The following ZPBP variants were observed in gnomAD, a reference collection of about 807,000 sequenced individuals.
The protein encoded by ZPBP is zona pellucida-binding protein 1.
A neutral mutation model predicts 44.8 loss-of-function variants in ZPBP; 26 were observed. That is an observed-to-expected ratio of 0.58 (90% CI 0.43 to 0.81). The LOEUF is 0.81. Ranked by LOEUF, ZPBP falls within the 30% of genes least tolerant of loss-of-function variation. The pLI is 0.00. For missense variants in ZPBP, 409 were observed against 434.0 expected, an observed-to-expected ratio of 0.94 and a Z score of 0.51; for synonymous variants, 174 against 153.2, an observed-to-expected ratio of 1.14 and a Z score of -1.00.
chr7:50,071,595 C>G (rs1284138876), intron 3 of ZPBP, among the ~76,000 whole-genome samples: 3 of 152,116 alleles, frequency 2.0e-5, no homozygotes, highest in African/African-American at 7.2e-5. Context: ...CAGTTTGCAG[C>G]TCCAAAAGGC....
At chr7:49,842,869 A>C in the ZPBP span, among the ~76,000 whole-genome samples, 13 of 152,292 alleles carry the variant, frequency 8.5e-5, no homozygotes, top group Admixed American at 8.5e-4. Flanking sequence ...ATATCTCATA[A>C]TATTATTCAT....
intron 7 of ZPBP, among the ~76,000 whole-genome samples, chr7:49,954,326 C>T (rs1795477100): frequency 6.6e-6 from 1 of 152,064 alleles, no homozygotes; most frequent in African/African-American, 2.4e-5. Context: ...TATATCAGAG[C>T]AAAAACTATT....
intron 6 of ZPBP, among the ~76,000 whole-genome samples, chr7:50,004,212 T>C (rs1359382629): frequency 6.6e-6 from 1 of 152,020 alleles, no homozygotes; most frequent in Non-Finnish European, 1.5e-5. Context: ...GTGGGATAAG[T>C]TTGCTTGCTG....
chr7:50,004,496 T>C (rs952022286), intron 6 of ZPBP, among the ~76,000 whole-genome samples: 1 of 152,158 alleles, frequency 6.6e-6, no homozygotes, highest in African/African-American at 2.4e-5. Flanking sequence ...TTTTGCCTTA[T>C]AATTCTGTGA....
intron 5 of ZPBP, among the ~76,000 whole-genome samples, chr7:50,023,347 G>A (rs776535610): frequency 5.3e-5 from 8 of 152,016 alleles, no homozygotes; most frequent in Non-Finnish European, 1.2e-4. Flanking sequence ...ACAGTGTTCC[G>A]TATAATGCCA....
intron 2 of ZPBP, among the ~76,000 whole-genome samples, chr7:49,894,457 A>G (rs2076383952): frequency 6.6e-6 from 1 of 152,228 alleles, no homozygotes. Context: ...CAGTCTTCCT[A>G]TGGCTTACCA....
intron 4 of ZPBP, among the ~76,000 whole-genome samples, chr7:50,051,384 A>G (rs1055771560): frequency 6.6e-6 from 1 of 152,148 alleles, no homozygotes; most frequent in Non-Finnish European, 1.5e-5. Flanking sequence ...GCAATTCCTC[A>G]AAGATCTACA....
Position 50,029,830 on chromosome 7 carries a change from TTGTTGTTGTTGTTGC to T in ZPBP, c.706+1247_706+1261del, listed in dbSNP as rs1204449629. ...GTATACTTTCAGCTTTTGTTTTTTG[TTGTTGTTGTTGTTGC>T]TGTTGTTGTTGTTGTTGTTGTTGTT... On this transcript the variant is annotated intron_variant, in intron 5 of 7. Coordinates refer to ENST00000046087, the MANE Select transcript of ZPBP (RefSeq NM_007009.3). Among the ~76,000 whole-genome samples the T allele has an allele frequency of 3.2e-3, 397 of 123,040 alleles. 4 individuals are homozygous for T. Among genetic ancestry groups the T allele is most frequent in the Admixed American group, 0.027 (362 of 13,212 alleles). 80.7% of individuals were successfully genotyped at this position (123,040 alleles called of 152,430 possible). A position where few individuals can be genotyped will look rare whatever the true frequency, so the allele number is the denominator to read the frequency against.
At chr7:49,886,824 T>A (rs1444465031) in intron 2 of ZPBP, among the ~76,000 whole-genome samples, 1 of 152,230 alleles carries the variant, frequency 6.6e-6, no homozygotes, top group Non-Finnish European at 1.5e-5. Flanking sequence ...CCTCTGCTTT[T>A]AATCAAAAAT....
intron 2 of ZPBP, among the ~76,000 whole-genome samples, chr7:49,852,568 G>A (rs117109756): frequency 0.025 from 3,749 of 152,176 alleles, 80 homozygotes; most frequent in Middle Eastern, 0.075. Context: ...ATGCTATTTA[G>A]TGGTTTTTCC....
At chr7:49,924,712 T>G (rs964013131) in intron 1 of ZPBP, among the ~76,000 whole-genome samples, 12 of 152,166 alleles carry the variant, frequency 7.9e-5, no homozygotes, top group African/African-American at 2.9e-4. Context: ...CAAGATAGAC[T>G]AGCCCCATTT....
rs1029031386 is a variant in ZPBP, at chr7:49,921,146, A to G, written n.411+14605T>C. On this transcript the variant is annotated intron_variant and non_coding_transcript_variant, in intron 1 of 2. Coordinates refer to the ZPBP transcript ENST00000465922. ...ACTGTGCTTAGTGTTGAAGATACCA[A>G]AGGGAATTCAAGTGAGGGGAAAAGA... 1.3e-5 allele frequency: 2 copies of G among 152,318 alleles called. 1 individual carries two copies. The highest frequency in any genetic ancestry group is 4.1e-4 in the South Asian group (2 of 4,830). The allele number at this position is 152,318 out of a possible 1,614,324, so 9.4% of individuals were successfully genotyped here.
intron 7 of ZPBP, among the ~76,000 whole-genome samples, chr7:49,938,994 T>C (rs1362172648): frequency 6.6e-6 from 1 of 152,186 alleles, no homozygotes; most frequent in Non-Finnish European, 1.5e-5. Context: ...AGATGTTTTA[T>C]TTGGGAGAAT....
chr7:49,914,922 G>A (rs1381436596), intron 1 of ZPBP: 2 of 152,156 alleles, frequency 1.3e-5, no homozygotes, highest in Non-Finnish European at 2.9e-5. Flanking sequence ...TGCTCTATAA[G>A]TACCTAATAA....
intron 4 of ZPBP, among the ~76,000 whole-genome samples, chr7:50,042,288 A>G (rs1800132249): frequency 6.6e-6 from 1 of 152,220 alleles, no homozygotes; most frequent in Non-Finnish European, 1.5e-5. Flanking sequence ...CAACCTAGCA[A>G]GACAGGCCAA....
chr7:49,874,411 G>A (rs141472375), intron 2 of ZPBP, among the ~76,000 whole-genome samples: 5 of 152,170 alleles, frequency 3.3e-5, no homozygotes, highest in Non-Finnish European at 5.9e-5. Flanking sequence ...AGGCTATATC[G>A]TACAGCCTAG....
At chr7:49,977,522 C>A (rs1252135247) in intron 7 of ZPBP, among the ~76,000 whole-genome samples, 1 of 152,100 alleles carries the variant, frequency 6.6e-6, no homozygotes, top group Non-Finnish European at 1.5e-5. Context: ...ATTAATAAAA[C>A]CATCTCAAGA....
chr7:50,069,354 T>C (rs1801712465), intron 3 of ZPBP, among the ~76,000 whole-genome samples: 1 of 152,164 alleles, frequency 6.6e-6, no homozygotes, highest in Non-Finnish European at 1.5e-5. Flanking sequence ...GCTACAAGCC[T>C]CTGTGACTTT....
At chr7:50,066,235 T>A (rs775173001) in intron 3 of ZPBP, among the ~76,000 whole-genome samples, 1 of 150,816 alleles carries the variant, frequency 6.6e-6, no homozygotes. Flanking sequence ...GAGGGTCTTC[T>A]TTGGTTTGAG....
Sources: gnomAD v4.1 joint callset for allele counts (sites outside exome capture counted in the v4.1 genomes callset) on GRCh38, gnomAD v4.1.1 for gene constraint, MANE v1.5 for transcripts, NCBI Gene and HGNC (gene_info 2026-07-23, HGNC 2026-07-21) for gene names.